Variants in PTCHD4 observed in about 807,000 individuals in gnomAD.
The protein encoded by PTCHD4 is patched domain-containing protein 4.
PTCHD4 carries 33 observed loss-of-function variants against 58.1 expected under a neutral mutation model. That is an observed-to-expected ratio of 0.57 (90% confidence interval 0.43 to 0.76). The LOEUF (loss-of-function observed/expected upper bound fraction) is 0.76, where lower values mean the gene tolerates loss of function less well. Ranked by LOEUF, PTCHD4 falls within the 30% of genes least tolerant of loss-of-function variation. The pLI is 0.00. For missense variants in PTCHD4, 1,058 were observed against 1,027.1 expected (o/e 1.03, Z -0.41); for synonymous variants, 478 against 409.6 (o/e 1.17, Z -2.02).
chr6:48,023,828 T>G lies in PTCHD4; in HGVS notation c.418-14714A>C, dbSNP rs114844350. On this transcript the variant is annotated intron_variant, in intron 3 of 4. Coordinates refer to ENST00000339488, the MANE Select transcript of PTCHD4 (RefSeq NM_001384253.1). ...TCTTACAAGGTGTTAAGAAATAGAC[T>G]GAAATCTCTTTCAAGGTCTTCAGAG... Among the ~76,000 whole-genome samples, 772 of 152,318 alleles carry G rather than the reference T, an allele frequency of 5.1e-3. 8 individuals are homozygous for G. The highest frequency in any genetic ancestry group is 0.017 in the African/African-American group (721 of 41,570).
intron 1 of PTCHD4, among the ~76,000 whole-genome samples, chr6:48,071,180 T>C (rs1473661948): frequency 6.6e-6 from 1 of 152,202 alleles, no homozygotes; most frequent in African/African-American, 2.4e-5. Flanking sequence ...CAAACAAATA[T>C]GTCAGTGTTA....
chr6:48,100,683 A>C (rs965625186), intron 1 of PTCHD4, among the ~76,000 whole-genome samples: 6 of 152,204 alleles, frequency 3.9e-5, no homozygotes, highest in African/African-American at 1.4e-4. Context: ...GAAGGTGGAG[A>C]GATTACTCTG....
chr6:48,103,416 A>C (rs1354361940), intron 1 of PTCHD4, among the ~76,000 whole-genome samples: 1 of 152,184 alleles, frequency 6.6e-6, no homozygotes, highest in African/African-American at 2.4e-5. Context: ...GGAAAACTAA[A>C]AAACAGAAAG....
intron 1 of PTCHD4, among the ~76,000 whole-genome samples, chr6:48,071,986 C>G (rs1302601188): frequency 6.6e-6 from 1 of 152,128 alleles, no homozygotes; most frequent in Non-Finnish European, 1.5e-5. Context: ...CACATAATAT[C>G]GAGGGTGCAT....
intron 1 of PTCHD4, among the ~76,000 whole-genome samples, chr6:48,081,283 C>G (rs1765163110): frequency 6.6e-6 from 1 of 152,164 alleles, no homozygotes; most frequent in South Asian, 2.1e-4. Context: ...CCTGAATTCA[C>G]TTGAAAAATA....
At chr6:48,014,325 G>A (rs995595922) in intron 3 of PTCHD4, among the ~76,000 whole-genome samples, 17 of 151,970 alleles carry the variant, frequency 1.1e-4, no homozygotes, top group Admixed American at 3.9e-4. Context: ...GAGTTTATTC[G>A]CTTCCAAACT....
rs1763749181 is a variant in PTCHD4 at position 47,872,700 on chromosome 6, TATAA to T, written c.*5599_*5602del. Among the ~76,000 whole-genome samples the T allele has an allele frequency of 6.6e-6, 1 of 151,680 alleles. No individual in the cohort carries two copies. Among genetic ancestry groups the T allele is most frequent in the South Asian group, 2.1e-4 (1 of 4,836 alleles). On this transcript the variant is annotated 3_prime_UTR_variant, in exon 5 of 5. Coordinates refer to ENST00000339488, the MANE Select transcript of PTCHD4 (RefSeq NM_001384253.1). Reference sequence around the variant, plus strand: ...GTGCAAAATCAGTGATAGTTTCCTTTATAAATACTTTATTATATTAAAAATATCT... The same window carrying T: ...GTGCAAAATCAGTGATAGTTTCCTTTATACTTTATTATATTAAAAATATCT...
chr6:47,894,546 C>T lies in PTCHD4; in HGVS notation c.899-14610G>A, dbSNP rs149198727. ...TTACTGTGTTGCTGAGAACAGTAAACGAGATAATCTGTATAATGTGCCCTT... is the reference window on the plus strand; with the variant it reads ...TTACTGTGTTGCTGAGAACAGTAAATGAGATAATCTGTATAATGTGCCCTT... On this transcript the variant is annotated intron_variant, in intron 4 of 4. Transcript: ENST00000339488. Among the ~76,000 whole-genome samples, 461 of 152,302 alleles carry T rather than the reference C, an allele frequency of 3.0e-3. 4 individuals are homozygous for T. The highest frequency in any genetic ancestry group is 8.2e-3 in the African/African-American group (342 of 41,566).
intron 4 of PTCHD4, among the ~76,000 whole-genome samples, chr6:47,956,231 C>G (rs1766854442): frequency 1.3e-5 from 2 of 152,114 alleles, no homozygotes; most frequent in African/African-American, 4.8e-5. Flanking sequence ...ATATGTGTAA[C>G]AATAACTAAT....
At chr6:48,052,853 T>G (rs1197474044) in intron 3 of PTCHD4, among the ~76,000 whole-genome samples, 1 of 152,046 alleles carries the variant, frequency 6.6e-6, no homozygotes, top group Non-Finnish European at 1.5e-5. Context: ...CCTTTCACCT[T>G]ATGTATCAAG....
Position 47,874,272 on chromosome 6 carries a change from T to G in PTCHD4, c.*4031A>C, listed in dbSNP as rs1763791027. On this transcript the variant is annotated 3_prime_UTR_variant, in exon 5 of 5. Transcript: ENST00000339488. The stretch of plus-strand genomic sequence containing the variant: ...AATTGCTTACCTGGGGATGGAACTT[T>G]CTGTGGACTTTAGGCCCTTAAGACC... 6.6e-6 allele frequency among the ~76,000 whole-genome samples: 1 copy of G among 151,690 alleles called. No homozygotes were observed. Among genetic ancestry groups the G allele is most frequent in the Non-Finnish European group, 1.5e-5 (1 of 67,790 alleles).
chr6:47,901,454 C>A (rs979781295), intron 4 of PTCHD4: 1 of 981,966 alleles, frequency 1.0e-6, no homozygotes. Flanking sequence ...TAACCTCCTT[C>A]ATTTTATTTA....
chr6:47,873,533 C>T lies in PTCHD4; in HGVS notation c.*4770G>A, dbSNP rs1053313588. 6.6e-6 allele frequency among the ~76,000 whole-genome samples: 1 copy of T among 151,736 alleles called. No individual in the cohort carries two copies. ...GCTGCTATACCCATACACAGTCCCT[C>T]CCCTGCTGGATCTCATGCAGTGTGG... On this transcript the variant is annotated 3_prime_UTR_variant, in exon 5 of 5. Transcript: ENST00000339488.
At chr6:48,052,888 T>C (rs191588422) in intron 3 of PTCHD4, among the ~76,000 whole-genome samples, 58 of 152,166 alleles carry the variant, frequency 3.8e-4, no homozygotes, top group African/African-American at 1.3e-3. Flanking sequence ...CGTTTAAAAA[T>C]AATAAAAGAG....
At chr6:48,064,310 G>T (rs796228925) in intron 3 of PTCHD4, among the ~76,000 whole-genome samples, 4 of 152,204 alleles carry the variant, frequency 2.6e-5, no homozygotes, top group African/African-American at 9.6e-5. Flanking sequence ...CTAGCCAGGT[G>T]GAGAAGTGAG....
chr6:47,950,213 G>T (rs901826363), intron 4 of PTCHD4, among the ~76,000 whole-genome samples: 3 of 152,010 alleles, frequency 2.0e-5, no homozygotes, highest in Non-Finnish European at 4.4e-5. Flanking sequence ...CATAAACTTG[G>T]ATTGTTTTAC....
At chr6:47,933,794 C>A (rs1485821365) in intron 4 of PTCHD4, among the ~76,000 whole-genome samples, 1 of 152,080 alleles carries the variant, frequency 6.6e-6, no homozygotes, top group African/African-American at 2.4e-5. Flanking sequence ...AGGACAGCTT[C>A]TTTCTTCTCT....
intron 4 of PTCHD4, among the ~76,000 whole-genome samples, chr6:47,947,332 A>AT (rs1264236766): frequency 1.3e-5 from 2 of 152,000 alleles, no homozygotes; most frequent in African/African-American, 2.4e-5. Flanking sequence ...CTATCATTAG[A>AT]TTTTTTTATA....
At chr6:47,960,406 G>A (rs116278604) in intron 4 of PTCHD4, among the ~76,000 whole-genome samples, 1,847 of 152,076 alleles carry the variant, frequency 0.012, 35 homozygotes, top group African/African-American at 0.04. Context: ...ATTAAAAGAC[G>A]AAAGTTTTCA....
Sources: allele counts gnomAD v4.1 joint callset (sites outside exome capture counted in the v4.1 genomes callset), GRCh38; gene constraint gnomAD v4.1.1; transcripts MANE v1.5; gene names NCBI Gene and HGNC (gene_info 2026-07-23, HGNC 2026-07-21).